Variants in CSNK1G1 observed in about 807,000 individuals in gnomAD.
CSNK1G1 encodes the protein casein kinase I isoform gamma-1.
CSNK1G1 carries 22 observed loss-of-function variants against 59.6 expected under a neutral mutation model. That is an observed-to-expected ratio of 0.37 (90% confidence interval 0.26 to 0.53). The LOEUF is 0.53. Ranked by LOEUF, CSNK1G1 falls within the 20% of genes least tolerant of loss-of-function variation. The pLI is 0.89. For missense variants in CSNK1G1, 384 were observed against 519.5 expected, an observed-to-expected ratio of 0.74 and a Z score of 2.54; for synonymous variants, 179 against 177.1, an observed-to-expected ratio of 1.01 and a Z score of -0.08.
At chr15:64,349,427 C>T (rs1184438855) in intron 1 of CSNK1G1, among the ~76,000 whole-genome samples, 1 of 152,150 alleles carries the variant, frequency 6.6e-6, no homozygotes, top group African/African-American at 2.4e-5. Flanking sequence ...AGTATACCCA[C>T]ACCTCCAATG....
chr15:64,248,014 A>G (rs1039405505), intron 4 of CSNK1G1, among the ~76,000 whole-genome samples: 10 of 152,266 alleles, frequency 6.6e-5, no homozygotes, highest in Non-Finnish European at 1.2e-4. Context: ...ACAGTAATGA[A>G]CAATGACAGA....
At chr15:64,208,444 C>T (rs1362105668) in intron 6 of CSNK1G1, among the ~76,000 whole-genome samples, 2 of 152,164 alleles carry the variant, frequency 1.3e-5, no homozygotes, top group African/African-American at 4.8e-5. Context: ...CAAAGAACTG[C>T]AAAATAGTTA....
intron 4 of CSNK1G1, among the ~76,000 whole-genome samples, chr15:64,226,245 TA>T (rs1596122979): frequency 6.6e-6 from 1 of 151,736 alleles, no homozygotes; most frequent in African/African-American, 2.4e-5. Context: ...GGCAGAGGAG[TA>T]AAGTCCTTTC....
intron 4 of CSNK1G1, among the ~76,000 whole-genome samples, chr15:64,237,831 G>A (rs373686878): frequency 1.2e-4 from 18 of 152,110 alleles, no homozygotes; most frequent in South Asian, 6.2e-4. Context: ...CTTTTATGAG[G>A]GCATATAAAA....
intron 2 of CSNK1G1, among the ~76,000 whole-genome samples, chr15:64,268,273 C>T (rs1436232879): frequency 6.6e-6 from 1 of 152,092 alleles, no homozygotes; most frequent in Non-Finnish European, 1.5e-5. Flanking sequence ...TCTAGGAAAG[C>T]TGATCTCATA....
chr15:64,180,344 G>T lies in CSNK1G1; in HGVS notation c.1214+4C>A. ...TTAAGAGCCCCCTTGAAAGATGTAC[G>T]TACTTAGCTTCCTCCACTACCTCCA... On this transcript the variant is annotated splice_donor_region_variant and intron_variant, in intron 11 of 11. Transcript: ENST00000303052. 3 of 1,610,320 alleles carry T rather than the reference G, an allele frequency of 1.9e-6. No individual in the cohort carries two copies. The highest frequency in any genetic ancestry group is 3.3e-4 in the Middle Eastern group (2 of 6,058).
At chr15:64,224,328 A>G (rs1222145057) in intron 4 of CSNK1G1, among the ~76,000 whole-genome samples, 2 of 152,208 alleles carry the variant, frequency 1.3e-5, no homozygotes, top group Non-Finnish European at 2.9e-5. Context: ...TACATGGGCA[A>G]TTATCATTAA....
At chr15:64,258,191 C>G (rs1426814228) in intron 3 of CSNK1G1, among the ~76,000 whole-genome samples, 1 of 151,978 alleles carries the variant, frequency 6.6e-6, no homozygotes, top group African/African-American at 2.4e-5. Context: ...CCGAGCTGGG[C>G]AACATGATGA....
chr15:64,338,885 T>C (rs1430710454), intron 1 of CSNK1G1, among the ~76,000 whole-genome samples: 2 of 151,550 alleles, frequency 1.3e-5, no homozygotes, highest in Non-Finnish European at 2.9e-5. Flanking sequence ...AGGATGGTGC[T>C]GCATGCCTGT....
At chr15:64,305,694 C>G (rs78423350) in intron 1 of CSNK1G1, among the ~76,000 whole-genome samples, 6 of 137,380 alleles carry the variant, frequency 4.4e-5, no homozygotes, top group African/African-American at 1.6e-4. Flanking sequence ...GACCCTGTCT[C>G]CAAAAAAAAA....
Position 64,200,764 on chromosome 15 carries a change from C to T in CSNK1G1, c.1107+2318G>A, listed in dbSNP as rs2082096247. On this transcript the variant is annotated intron_variant, in intron 10 of 11. Coordinates refer to ENST00000303052, the MANE Select transcript of CSNK1G1 (RefSeq NM_022048.5). This position sits in a 1 kb window ranked among gnomAD's most constrained non-coding sequence, Gnocchi z 4.3. The stretch of plus-strand genomic sequence containing the variant: ...ATTGATTCTGCTTATTTCCCCATCC[C>T]GTCCAGCTCACTTTACTATAACCCA... 6.6e-6 allele frequency among the ~76,000 whole-genome samples: 1 copy of T among 152,194 alleles called. No homozygotes were observed. The highest frequency in any genetic ancestry group is 2.4e-5 in the African/African-American group (1 of 41,462).
chr15:64,225,072 A>AATTTTGGG (rs1377892082), intron 4 of CSNK1G1, among the ~76,000 whole-genome samples: 2 of 144,088 alleles, frequency 1.4e-5, no homozygotes, highest in African/African-American at 5.3e-5. Flanking sequence ...ACAGTGGTGC[A>AATTTTGGG]ATTTTGGGTC....
chr15:64,200,559 T>G lies in CSNK1G1; in HGVS notation c.1107+2523A>C, dbSNP rs1034255778. On this transcript the variant is annotated intron_variant, in intron 10 of 11. Coordinates refer to ENST00000303052, the MANE Select transcript of CSNK1G1 (RefSeq NM_022048.5). The surrounding 1 kb of genome is among the most constrained non-coding windows in gnomAD (Gnocchi z 4.3). ...CAGGGTTTCACCATGTTGGCCAGGCTGGTCTCGAACTCCTGACCTCAGGTG... is the reference window on the plus strand; with the variant it reads ...CAGGGTTTCACCATGTTGGCCAGGCGGGTCTCGAACTCCTGACCTCAGGTG... Among the ~76,000 whole-genome samples, 3 of 152,206 alleles carry G rather than the reference T, an allele frequency of 2.0e-5. No individual in the cohort carries two copies. Among genetic ancestry groups the G allele is most frequent in the Non-Finnish European group, 4.4e-5 (3 of 68,038 alleles).
rs146423827 is a variant in CSNK1G1, at chr15:64,337,846, C to T, written c.-225+18142G>A. Among the ~76,000 whole-genome samples, 290 of 152,224 alleles carry T rather than the reference C, an allele frequency of 1.9e-3. 2 individuals are homozygous for T. The highest frequency in any genetic ancestry group is 0.016 in the East Asian group (83 of 5,186). On this transcript the variant is annotated intron_variant, in intron 1 of 11. Transcript: ENST00000303052. ...TCAGCCCCTGATAACCTCTATTCTA[C>T]TTTGTCTTTGAATTTGTCTATCCTA... is the stretch of plus-strand genomic sequence containing the variant.
At chr15:64,228,884 G>A (rs1596126944) in intron 4 of CSNK1G1, among the ~76,000 whole-genome samples, 1 of 151,916 alleles carries the variant, frequency 6.6e-6, no homozygotes, top group Non-Finnish European at 1.5e-5. Flanking sequence ...CAGGTGTGGT[G>A]GTGTGTGTTT....
chr15:64,332,735 AAAAC>A (rs1196336948), intron 1 of CSNK1G1, among the ~76,000 whole-genome samples: 1 of 148,628 alleles, frequency 6.7e-6, no homozygotes, highest in Admixed American at 6.7e-5. Context: ...AAAAAAAACA[AAAAC>A]AAAAAAAAAG....
At chr15:64,189,519 T>C (rs2081941791) in intron 10 of CSNK1G1, 2 of 1,178,604 alleles carry the variant, frequency 1.7e-6, no homozygotes, top group Non-Finnish European at 2.2e-6. Context: ...GAGGCAGCAA[T>C]GAGGGATTAG....
At chr15:64,320,887 T>C (rs773919007) in intron 1 of CSNK1G1, among the ~76,000 whole-genome samples, 7 of 152,078 alleles carry the variant, frequency 4.6e-5, no homozygotes, top group Non-Finnish European at 8.8e-5. Context: ...AAGTGAAATA[T>C]GGCTTTTTAA....
rs984975935 is a variant in CSNK1G1, at chr15:64,277,617, T to C, written c.182-18376A>G. On this transcript the variant is annotated intron_variant, in intron 2 of 11. Transcript: ENST00000303052. The stretch of plus-strand genomic sequence containing the variant: ...ATATTTAATAATATATTAATATTGG[T>C]ATATTTAATATATTAATATTAATAT... Among the ~76,000 whole-genome samples the C allele has an allele frequency of 3.3e-4, 46 of 137,730 alleles. 1 individual carries two copies. The highest frequency in any genetic ancestry group is 1.2e-3 in the African/African-American group (46 of 37,568). 90.4% of individuals were successfully genotyped at this position (137,730 alleles called of 152,430 possible).
Sources: gnomAD v4.1 joint callset for allele counts (sites outside exome capture counted in the v4.1 genomes callset) on GRCh38, gnomAD v4.1.1 for gene constraint, Gnocchi (gnomAD v3.1) non-coding constraint, MANE v1.5 for transcripts, NCBI Gene and HGNC (gene_info 2026-07-23, HGNC 2026-07-21) for gene names.